Variants in CSTL1 observed in about 807,000 individuals in gnomAD.
CSTL1 encodes cystatin-like 1.
A neutral mutation model predicts 14.4 loss-of-function variants in CSTL1; 14 were observed. The observed-to-expected ratio is 0.97, with a 90% confidence interval of 0.64 to 1.52. CSTL1 has a LOEUF of 1.52. CSTL1 is among the 40% of genes most tolerant of loss of function. The pLI is 0.00. For missense variants in CSTL1, 170 were observed against 168.7 expected (o/e 1.01, Z -0.04); for synonymous variants, 72 against 67.5 (o/e 1.07, Z -0.33).
At chr20:23,457,135 C>G in the CSTL1 span, among the ~76,000 whole-genome samples, 2 of 152,186 alleles carry the variant, frequency 1.3e-5, no homozygotes, top group African/African-American at 4.8e-5. Context: ...CAGGACTGCT[C>G]TGGTTCTTTT....
chr20:23,454,231 C>T, the CSTL1 span, among the ~76,000 whole-genome samples: 1 of 151,790 alleles, frequency 6.6e-6, no homozygotes, highest in African/African-American at 2.4e-5. Context: ...CACACACCTA[C>T]ACGTACATGC....
chr20:23,460,770 T>A, the CSTL1 span, among the ~76,000 whole-genome samples: 2 of 152,174 alleles, frequency 1.3e-5, no homozygotes, highest in Non-Finnish European at 2.9e-5. Context: ...AACAGTCAGA[T>A]ACACCCTGTG....
intron 2 of CSTL1, among the ~76,000 whole-genome samples, chr20:23,441,141 T>C (rs1461611408): frequency 6.6e-6 from 1 of 152,174 alleles, no homozygotes; most frequent in African/African-American, 2.4e-5. Flanking sequence ...TTTGCTCCCT[T>C]TAAAGTTCTC....
chr20:23,444,034 A>G lies in CSTL1; in HGVS notation c.320A>G (p.Lys107Arg), dbSNP rs746055594. The G allele has an allele frequency of 6.2e-7, 1 of 1,613,526 alleles. No homozygotes were observed. Among genetic ancestry groups the G allele is most frequent in the Non-Finnish European group, 8.5e-7 (1 of 1,179,412 alleles). Residue 107 changes from lysine to arginine, a missense_variant, in exon 3 of 4, where the codon AAG (lysine) becomes AGG (arginine). Lys to Arg is a conservative substitution (Grantham distance 26, BLOSUM62 2). Transcript: ENST00000347397. The part of the protein sequence containing the change: ...SNSSCPLQSK[K>R]LRKSLICESL... ...TCTTCCTGCCCCCTGCAAAGCAAGA[A>G]GCTGAGAAAGGTGTGTAGTGGAAGT...
At chr20:23,441,935 G>C (rs1986843231) in intron 2 of CSTL1, among the ~76,000 whole-genome samples, 1 of 152,184 alleles carries the variant, frequency 6.6e-6, no homozygotes, top group African/African-American at 2.4e-5. Context: ...GGGAGGACCA[G>C]TCAGCATAGG....
the CSTL1 span, chr20:23,451,783 T>C: frequency 6.6e-7 from 1 of 1,509,568 alleles, no homozygotes; most frequent in South Asian, 1.1e-5. Context: ...TGAAAAGGAC[T>C]TCTGTCTACG....
chr20:23,450,374 A>G, the CSTL1 span: 45,771 of 605,648 alleles, frequency 0.076, 3,716 homozygotes, highest in African/African-American at 0.33. Flanking sequence ...TTGGATAAAA[A>G]GAAAAAGAAA....
the CSTL1 span, among the ~76,000 whole-genome samples, chr20:23,456,111 C>T: frequency 6.6e-6 from 1 of 152,176 alleles, no homozygotes; most frequent in Non-Finnish European, 1.5e-5. Flanking sequence ...AGAATGTGCC[C>T]CTTATGGGGA....
downstream of CSTL1, among the ~76,000 whole-genome samples, chr20:23,446,843 T>C (rs542604608): frequency 6.6e-6 from 1 of 152,108 alleles, no homozygotes; most frequent in East Asian, 1.9e-4. Context: ...GGAGTATTGC[T>C]AAAGGGGAAG....
intron 2 of CSTL1, among the ~76,000 whole-genome samples, chr20:23,441,924 G>A (rs943424706): frequency 6.6e-6 from 1 of 152,142 alleles, no homozygotes; most frequent in South Asian, 2.1e-4. Flanking sequence ...AGGGCAGCGT[G>A]GGGAGGACCA....
chr20:23,460,989 T>G, the CSTL1 span, among the ~76,000 whole-genome samples: 1 of 152,192 alleles, frequency 6.6e-6, no homozygotes, highest in African/African-American at 2.4e-5. Context: ...AATTGATAGT[T>G]TGTCTTTAAA....
the CSTL1 span, chr20:23,451,883 AT>A: frequency 1.2e-6 from 2 of 1,614,012 alleles, no homozygotes; most frequent in Non-Finnish European, 1.7e-6. Flanking sequence ...GGTCCACTGC[AT>A]TTCCACATTC....
chr20:23,443,787 G>A, intron 2 of CSTL1, 147 bp from the exon 3 acceptor site: 1 of 615,222 alleles, frequency 1.6e-6, no homozygotes, highest in Non-Finnish European at 2.9e-6. Flanking sequence ...CAGAAGTAAG[G>A]AGAAGGGAGC....
intron 2 of CSTL1, among the ~76,000 whole-genome samples, chr20:23,441,641 T>G (rs1265235917): frequency 6.6e-6 from 1 of 152,214 alleles, no homozygotes; most frequent in Admixed American, 6.5e-5. Context: ...TGTAGATAAT[T>G]ATTATACTGT....
the CSTL1 span, among the ~76,000 whole-genome samples, chr20:23,456,390 A>G: frequency 1.3e-5 from 2 of 152,224 alleles, no homozygotes; most frequent in East Asian, 3.9e-4. Context: ...TGCACACCAC[A>G]TCTCCTCTGC....
the CSTL1 span, among the ~76,000 whole-genome samples, chr20:23,453,175 G>T: frequency 1.4e-5 from 2 of 147,248 alleles, no homozygotes; most frequent in African/African-American, 4.9e-5. Flanking sequence ...GACACGGGGA[G>T]ATTGGATGCC....
rs746184924 is a variant in CSTL1, at chr20:23,440,472, C to G, written c.205C>G (p.Arg69Gly). The G allele has an allele frequency of 1.2e-5, 20 of 1,612,856 alleles. No homozygotes were observed. Among genetic ancestry groups the G allele is most frequent in the Non-Finnish European group, 1.7e-5 (20 of 1,178,924 alleles). The change falls in exon 2 of 4, where the codon CGA becomes GGA. Residue 69 changes from arginine to glycine, a missense_variant. Arg to Gly is a moderately radical substitution (Grantham distance 125). Transcript: ENST00000347397. ...CTTATATCGAGTCCAGAGGCTAATT[C>G]GAAGTCAGATGCAGGTTTGTACCTT... ...TYLYRVQRLI[R>G]SQMQLTTGVE...
At chr20:23,460,599 G>T in the CSTL1 span, among the ~76,000 whole-genome samples, 2 of 152,076 alleles carry the variant, frequency 1.3e-5, no homozygotes, top group Non-Finnish European at 2.9e-5. Flanking sequence ...GCACCTGGGA[G>T]ACAGGTGCCT....
chr20:23,444,880 G>T lies in CSTL1; in HGVS notation c.*2G>T. 6.3e-7 allele frequency: 1 copy of T among 1,592,480 alleles called. No individual in the cohort carries two copies. The highest frequency in any genetic ancestry group is 8.6e-7 in the Non-Finnish European group (1 of 1,160,396). ...CATGTGGGCAGAAACCTCAGATGAG[G>T]GCTCATATGATTGAGTTGTGCACTG... On this transcript the variant is annotated 3_prime_UTR_variant, in exon 4 of 4. Transcript: ENST00000347397.
Sources: gnomAD v4.1 joint callset for allele counts (sites outside exome capture counted in the v4.1 genomes callset) on GRCh38, gnomAD v4.1.1 for gene constraint, MANE v1.5 for transcripts, NCBI Gene and HGNC (gene_info 2026-07-23, HGNC 2026-07-21) for gene names.